Variants in AKAP13 observed in about 807,000 individuals in gnomAD.
The protein encoded by AKAP13 is A-kinase anchor protein 13.
AKAP13 carries 80 observed loss-of-function variants against 264.5 expected under a neutral mutation model. The ratio of observed to expected loss-of-function variants is 0.30; its 90% CI spans 0.25 to 0.36. The LOEUF is 0.36. Ranked by LOEUF, AKAP13 falls within the 10% of genes least tolerant of loss-of-function variation. The pLI is 1.00. For missense variants in AKAP13, 3,712 were observed against 3,435.2 expected, an observed-to-expected ratio of 1.08 and a Z score of -2.01; for synonymous variants, 1,380 against 1,250.2, an observed-to-expected ratio of 1.10 and a Z score of -2.19.
intron 5 of AKAP13, among the ~76,000 whole-genome samples, chr15:85,562,574 A>ATATATATATATATATATAT (rs1555444891): frequency 1.3e-5 from 1 of 77,670 alleles, no homozygotes; most frequent in African/African-American, 4.0e-5. Flanking sequence ...CAAAAAAAAA[A>ATATATATATATATATATAT]ATATATATAT....
chr15:85,390,440 C>T (rs2070797356), intron 1 of AKAP13, among the ~76,000 whole-genome samples: 2 of 152,206 alleles, frequency 1.3e-5, no homozygotes, highest in East Asian at 1.9e-4. Context: ...GGAGAATGAA[C>T]AGGGAGCCTG....
intron 17 of AKAP13, among the ~76,000 whole-genome samples, chr15:85,702,960 G>A (rs1279265686): frequency 1.3e-5 from 2 of 152,236 alleles, no homozygotes; most frequent in Non-Finnish European, 2.9e-5. Flanking sequence ...GGTCTTGCCA[G>A]TGGTTCTGTT....
intron 10 of AKAP13, among the ~76,000 whole-genome samples, chr15:85,650,633 G>A (rs186599685): frequency 2.7e-4 from 41 of 151,166 alleles, no homozygotes; most frequent in Admixed American, 5.3e-4. Context: ...GCAGGCGCCT[G>A]TAATCCCAGC....
At chr15:85,601,097 G>A (rs1436026873) in intron 8 of AKAP13, among the ~76,000 whole-genome samples, 1 of 152,188 alleles carries the variant, frequency 6.6e-6, no homozygotes, top group Non-Finnish European at 1.5e-5. Context: ...TTATTGTTAT[G>A]AGGGTATCTA....
intron 12 of AKAP13, chr15:85,662,247 G>T (rs189264): frequency 2.8e-6 from 2 of 715,248 alleles, no homozygotes; most frequent in African/African-American, 1.8e-5. Context: ...AAAATTGTCA[G>T]TGTTACATTC....
At chr15:85,740,998 C>T (rs2088933134) in intron 34 of AKAP13, 48 bp from the exon 35 acceptor site, 3 of 1,555,726 alleles carry the variant, frequency 1.9e-6, no homozygotes, top group Admixed American at 1.8e-5. Context: ...CAGAAGCTCG[C>T]TGTCGTCCTG....
At chr15:85,679,256 C>A (rs901736400) in intron 14 of AKAP13, among the ~76,000 whole-genome samples, 1 of 145,782 alleles carries the variant, frequency 6.9e-6, no homozygotes, top group Non-Finnish European at 1.6e-5. Context: ...AAAACAACAA[C>A]AAAAAACCAA....
chr15:85,465,621 T>C (rs1390008738), intron 1 of AKAP13, among the ~76,000 whole-genome samples: 3 of 151,074 alleles, frequency 2.0e-5, no homozygotes, highest in Non-Finnish European at 4.4e-5. Context: ...TTTGTCCTTG[T>C]GATAGTTTAC....
chr15:85,721,861 C>T (rs2087309360), intron 23 of AKAP13, 130 bp from the exon 24 acceptor site: 4 of 1,431,288 alleles, frequency 2.8e-6, no homozygotes, highest in Non-Finnish European at 3.7e-6. Context: ...GCTGCTGCAC[C>T]ATTTCATTCT....
chr15:85,591,184 T>C (rs2079563258), intron 8 of AKAP13, among the ~76,000 whole-genome samples: 1 of 151,562 alleles, frequency 6.6e-6, no homozygotes, highest in African/African-American at 2.4e-5. Context: ...TCACAGCTAG[T>C]TAACTGTCAG....
At chr15:85,573,725 G>C (rs2078906332) in intron 5 of AKAP13, among the ~76,000 whole-genome samples, 1 of 152,032 alleles carries the variant, frequency 6.6e-6, no homozygotes, top group South Asian at 2.1e-4. Flanking sequence ...TGCTGTTTGA[G>C]GAGTGTTTTC....
chr15:85,599,604 A>G (rs1596659787), intron 8 of AKAP13, among the ~76,000 whole-genome samples: 1 of 152,212 alleles, frequency 6.6e-6, no homozygotes. Flanking sequence ...TGGGAAGCTC[A>G]TCAGTGCCTA....
At chr15:85,549,136 A>G (rs8033489) in intron 5 of AKAP13, among the ~76,000 whole-genome samples, 49,884 of 151,842 alleles carry the variant, frequency 0.33, 8,248 homozygotes, top group South Asian at 0.43. Context: ...GAATGTCCCT[A>G]CTTGATGTAG....
chr15:85,470,941 C>T (rs1020491120), intron 1 of AKAP13, among the ~76,000 whole-genome samples: 3 of 152,188 alleles, frequency 2.0e-5, no homozygotes, highest in African/African-American at 4.8e-5. Flanking sequence ...TCCTTATTAT[C>T]TATTCACTTT....
intron 5 of AKAP13, among the ~76,000 whole-genome samples, chr15:85,556,714 G>T (rs1183723619): frequency 6.6e-6 from 1 of 152,112 alleles, no homozygotes; most frequent in Non-Finnish European, 1.5e-5. Flanking sequence ...CCAGCTCATT[G>T]CCACCTCAGG....
chr15:85,679,847 C>T (rs1244340167), intron 14 of AKAP13, among the ~76,000 whole-genome samples: 1 of 152,112 alleles, frequency 6.6e-6, no homozygotes, highest in East Asian at 1.9e-4. Flanking sequence ...ATAATTTTGT[C>T]ATGGAAGTAG....
chr15:85,490,711 A>G (rs2075696876), intron 2 of AKAP13, among the ~76,000 whole-genome samples: 1 of 152,216 alleles, frequency 6.6e-6, no homozygotes, highest in African/African-American at 2.4e-5. Flanking sequence ...TTATTCTTTT[A>G]TTCAGGTGCC....
chr15:85,442,018 C>T (rs187447928), intron 1 of AKAP13, among the ~76,000 whole-genome samples: 13 of 152,278 alleles, frequency 8.5e-5, no homozygotes, highest in African/African-American at 2.6e-4. Flanking sequence ...GAAGGTGACT[C>T]TGTTATCCTC....
Position 85,587,497 on chromosome 15 carries a change from A to G in AKAP13, c.4161+1674A>G, listed in dbSNP as rs747701382. 7.2e-5 allele frequency among the ~76,000 whole-genome samples: 11 copies of G among 152,176 alleles called. No individual in the cohort carries two copies. In the South Asian group the frequency reaches 2.3e-3, roughly 32 times the overall value. On this transcript the variant is annotated intron_variant, in intron 8 of 36. Transcript: ENST00000394518. ...TACTGTGAATAATGCTGTTATGTAC[A>G]TTTGTGTACAAAATTATGTGGACAT...
Sources: allele counts gnomAD v4.1 joint callset (sites outside exome capture counted in the v4.1 genomes callset), GRCh38; gene constraint gnomAD v4.1.1; transcripts MANE v1.5; gene names NCBI Gene and HGNC (gene_info 2026-07-23, HGNC 2026-07-21).